RPSA2: variants seen among roughly 807,000 people sequenced by gnomAD.
RPSA2 encodes small ribosomal subunit protein uS2B.
chr19:23,780,649 C>CAAAACAA, the RPSA2 span, among the ~76,000 whole-genome samples: 1 of 151,842 alleles, frequency 6.6e-6, no homozygotes, highest in Non-Finnish European at 1.5e-5. Flanking sequence ...TCAAACAAAA[C>CAAAACAA]AAAACAAAAC....
chr19:23,789,012 T>C, the RPSA2 span, among the ~76,000 whole-genome samples: 2 of 41,390 alleles, frequency 4.8e-5, no homozygotes, highest in African/African-American at 1.6e-4. Context: ...TTTTCTTTTT[T>C]TTCTTTCTTT....
chr19:23,812,388 C>CTTTTTTTTTTTTTTTTT, the RPSA2 span, among the ~76,000 whole-genome samples: 285 of 114,134 alleles, frequency 2.5e-3, no homozygotes, highest in Non-Finnish European at 2.6e-3. Context: ...CTCTTTTTCT[C>CTTTTTTTTTTTTTTTTT]TTTTTTTTTT....
the RPSA2 span, among the ~76,000 whole-genome samples, chr19:23,769,124 T>C: frequency 6.6e-6 from 1 of 152,226 alleles, no homozygotes; most frequent in African/African-American, 2.4e-5. Flanking sequence ...ACTGTGTGAC[T>C]CTCTTCTCCC....
At chr19:23,843,442 T>C in the RPSA2 span, among the ~76,000 whole-genome samples, 4 of 152,232 alleles carry the variant, frequency 2.6e-5, no homozygotes, top group Non-Finnish European at 4.4e-5. Flanking sequence ...TTTTGTCCCA[T>C]ACCATTAAAT....
At chr19:23,821,965 C>T in the RPSA2 span, among the ~76,000 whole-genome samples, 1 of 152,192 alleles carries the variant, frequency 6.6e-6, no homozygotes, top group Non-Finnish European at 1.5e-5. Flanking sequence ...AGCTGGGTGG[C>T]ATTCATGCCT....
the RPSA2 span, among the ~76,000 whole-genome samples, chr19:23,806,999 G>T: frequency 6.6e-6 from 1 of 151,882 alleles, no homozygotes; most frequent in Non-Finnish European, 1.5e-5. Flanking sequence ...TGTCCTTCTG[G>T]GTGCATCAGC....
chr19:23,821,179 A>G, the RPSA2 span, among the ~76,000 whole-genome samples: 1 of 152,206 alleles, frequency 6.6e-6, no homozygotes, highest in Non-Finnish European at 1.5e-5. Context: ...ACTCAGTGCG[A>G]TACTCAGGTG....
chr19:23,843,237 G>A, the RPSA2 span: 7 of 261,652 alleles, frequency 2.7e-5, no homozygotes, highest in South Asian at 2.5e-4. Flanking sequence ...AAAGAACCCT[G>A]GTATGTAAAG....
At chr19:23,775,841 A>G in the RPSA2 span, among the ~76,000 whole-genome samples, 1 of 152,356 alleles carries the variant, frequency 6.6e-6, no homozygotes, top group South Asian at 2.1e-4. Flanking sequence ...CTTAGATCCA[A>G]CATACAGGAG....
At chr19:23,767,738 T>C in the RPSA2 span, among the ~76,000 whole-genome samples, 1 of 150,820 alleles carries the variant, frequency 6.6e-6, no homozygotes, top group African/African-American at 2.4e-5. Context: ...CTTGGAAAGA[T>C]TTTTTCACTT....
the RPSA2 span, among the ~76,000 whole-genome samples, chr19:23,766,701 G>A: frequency 6.6e-6 from 1 of 150,594 alleles, no homozygotes; most frequent in Non-Finnish European, 1.5e-5. Context: ...TGATCCGCCC[G>A]CCTCGGCCTC....
the RPSA2 span, among the ~76,000 whole-genome samples, chr19:23,854,862 G>T: frequency 6.6e-6 from 1 of 152,116 alleles, no homozygotes; most frequent in East Asian, 1.9e-4. Flanking sequence ...ATATATGCAG[G>T]CAACACCTTG....
the RPSA2 span, among the ~76,000 whole-genome samples, chr19:23,801,053 T>A: frequency 2.6e-5 from 4 of 152,206 alleles, no homozygotes; most frequent in Non-Finnish European, 5.9e-5. Flanking sequence ...TGAGTAGACA[T>A]GGAGACATGA....
chr19:23,791,769 T>G, the RPSA2 span, among the ~76,000 whole-genome samples: 78 of 29,688 alleles, frequency 2.6e-3, 5 homozygotes, highest in Non-Finnish European at 3.1e-4. Context: ...GAAGGGAGAC[T>G]TGCTCTATCT....
At chr19:23,833,610 CATTT>C in the RPSA2 span, among the ~76,000 whole-genome samples, 1 of 152,010 alleles carries the variant, frequency 6.6e-6, no homozygotes, top group Non-Finnish European at 1.5e-5. Flanking sequence ...CACAGGAAAG[CATTT>C]ATAAGCATTT....
chr19:23,789,493 G>A, the RPSA2 span, among the ~76,000 whole-genome samples: 1 of 152,002 alleles, frequency 6.6e-6, no homozygotes, highest in African/African-American at 2.4e-5. Context: ...CATATATCTT[G>A]CCCCAGCTTG....
At chr19:23,827,117 G>A in the RPSA2 span, 26 of 753,698 alleles carry the variant, frequency 3.4e-5, 1 homozygote, top group Non-Finnish European at 4.8e-5. Flanking sequence ...GGTCCATACG[G>A]CGTTGTTCTG....
At chr19:23,860,136 C>T in the RPSA2 span, among the ~76,000 whole-genome samples, 2 of 152,154 alleles carry the variant, frequency 1.3e-5, no homozygotes, top group Non-Finnish European at 2.9e-5. Flanking sequence ...CAGAGCTGCT[C>T]ATATTACAGC....
chr19:23,833,020 A>T, the RPSA2 span: 23 of 1,401,044 alleles, frequency 1.6e-5, no homozygotes, highest in East Asian at 7.4e-4. Flanking sequence ...AATTTTTGCT[A>T]ACCATAAGAG....
Sources: allele counts gnomAD v4.1 joint callset (sites outside exome capture counted in the v4.1 genomes callset), GRCh38; gene constraint gnomAD v4.1.1; transcripts MANE v1.5; gene names NCBI Gene and HGNC (gene_info 2026-07-23, HGNC 2026-07-21).